SBF2: variants seen among roughly 807,000 people sequenced by gnomAD.
The protein encoded by SBF2 is SET binding factor 2.
Under a neutral mutation model 225.2 loss-of-function variants are expected in SBF2, and 112 were observed. The ratio of observed to expected loss-of-function variants is 0.50; its 90% CI spans 0.43 to 0.58. SBF2 has a LOEUF of 0.58. Ranked by LOEUF, SBF2 falls within the 20% of genes least tolerant of loss-of-function variation. SBF2 has a pLI of 0.00. For synonymous variants in SBF2, 763 were observed against 773.3 expected, an observed-to-expected ratio of 0.99 and a Z score of 0.22; for missense variants, 1,996 against 2,206.2, an observed-to-expected ratio of 0.90 and a Z score of 1.91.
rs886047577 is a variant in SBF2 at position 10,294,170 on chromosome 11, T to G, written c.-101A>C. On this transcript the variant is annotated 5_prime_UTR_variant, in exon 1 of 40. Transcript: ENST00000256190. ...CTCAGCATTTTCCCTGCAGCGGCAG[T>G]AGCGGCAGCGGCAGCGCTTCAGCCA... The G allele has an allele frequency of 1.7e-4, 156 of 892,584 alleles. No homozygotes were observed. The highest frequency in any genetic ancestry group is 1.6e-4 in the Non-Finnish European group (109 of 673,192). The allele number at this position is 892,584 out of a possible 1,614,324, so 55.3% of individuals were successfully genotyped here. A position where few individuals can be genotyped will look rare whatever the true frequency, so the allele number is the denominator to read the frequency against.
intron 17 of SBF2, among the ~76,000 whole-genome samples, chr11:9,873,043 A>G (rs1200127849): frequency 1.3e-5 from 2 of 151,912 alleles, no homozygotes; most frequent in African/African-American, 4.8e-5. Context: ...TGTCTCTACC[A>G]AAAATACAAA....
At position 9,787,741 on chromosome 11, in the gene SBF2, G is replaced by C; in HGVS notation, c.4933-3C>G. 6.2e-7 allele frequency: 1 copy of C among 1,612,822 alleles called. No homozygotes were observed. The highest frequency in any genetic ancestry group is 8.5e-7 in the Non-Finnish European group (1 of 1,178,858). ...TTGTGCTCCAATTTTTCAATTTCCT[G>C]CAAAGAAATTAAAAGTTTTCTGATC... On this transcript the variant is annotated splice_region_variant and splice_polypyrimidine_tract_variant and intron_variant, in intron 35 of 39. Coordinates refer to ENST00000256190, the MANE Select transcript of SBF2 (RefSeq NM_030962.4).
intron 1 of SBF2, among the ~76,000 whole-genome samples, chr11:10,223,573 CTCTG>C (rs1401338800): frequency 2.6e-5 from 4 of 151,276 alleles, no homozygotes; most frequent in Non-Finnish European, 4.4e-5. Context: ...ATAAATGAAT[CTCTG>C]TCTGAAATGG....
At chr11:10,280,470 T>C (rs1274107971) in intron 1 of SBF2, among the ~76,000 whole-genome samples, 2 of 152,194 alleles carry the variant, frequency 1.3e-5, no homozygotes, top group African/African-American at 4.8e-5. Flanking sequence ...TGGATCTTAC[T>C]AAGTCTGCAA....
intron 16 of SBF2, chr11:9,959,394 G>T: frequency 1.2e-6 from 1 of 830,338 alleles, no homozygotes; most frequent in South Asian, 1.3e-5. Flanking sequence ...GTCCCCATGA[G>T]ATTATATATT....
intron 26 of SBF2, among the ~76,000 whole-genome samples, chr11:9,833,421 A>ATTTTT (rs371039800): frequency 7.5e-6 from 1 of 134,072 alleles, no homozygotes; most frequent in Non-Finnish European, 1.6e-5. Flanking sequence ...TTTTTTGGTG[A>ATTTTT]TTTTTTTTTT....
At chr11:9,841,064 C>G (rs1285073449) in intron 25 of SBF2, among the ~76,000 whole-genome samples, 1 of 151,906 alleles carries the variant, frequency 6.6e-6, no homozygotes, top group Non-Finnish European at 1.5e-5. Context: ...TGAAAATGTA[C>G]TCAAAGTACT....
chr11:10,032,851 G>A (rs976861332), intron 3 of SBF2, among the ~76,000 whole-genome samples: 28 of 152,078 alleles, frequency 1.8e-4, no homozygotes, highest in Non-Finnish European at 4.4e-5. Flanking sequence ...CATTTTCTTG[G>A]CATAGTTTTT....
intron 2 of SBF2, among the ~76,000 whole-genome samples, chr11:10,169,715 C>G (rs193019876): frequency 1.6e-3 from 248 of 152,276 alleles, no homozygotes; most frequent in African/African-American, 5.7e-3. Flanking sequence ...ATTGCTAGAT[C>G]ATATGGTAGC....
chr11:10,206,830 A>T (rs1388744781), intron 1 of SBF2, among the ~76,000 whole-genome samples: 1 of 151,052 alleles, frequency 6.6e-6, no homozygotes, highest in Admixed American at 6.6e-5. Context: ...TATAAAGAAC[A>T]TTGGGAACCC....
At chr11:9,786,378 T>C (rs973413085) in intron 36 of SBF2, among the ~76,000 whole-genome samples, 3 of 152,200 alleles carry the variant, frequency 2.0e-5, no homozygotes, top group African/African-American at 4.8e-5. Context: ...AAATGAACAT[T>C]ATTACTTTCA....
intron 2 of SBF2, among the ~76,000 whole-genome samples, chr11:10,089,011 A>T (rs1381485251): frequency 6.6e-6 from 1 of 152,176 alleles, no homozygotes; most frequent in Non-Finnish European, 1.5e-5. Flanking sequence ...GAAAATACTG[A>T]CACATAGAAC....
intron 2 of SBF2, among the ~76,000 whole-genome samples, chr11:10,067,461 A>G (rs1565192341): frequency 6.6e-6 from 1 of 152,228 alleles, no homozygotes; most frequent in Non-Finnish European, 1.5e-5. Flanking sequence ...CTAGAATGCC[A>G]AAACAACTCT....
chr11:10,117,638 A>G (rs777594751), intron 2 of SBF2, among the ~76,000 whole-genome samples: 1 of 152,064 alleles, frequency 6.6e-6, no homozygotes, highest in Non-Finnish European at 1.5e-5. Context: ...ACATAAATAC[A>G]AATTAGGTGT....
intron 1 of SBF2, among the ~76,000 whole-genome samples, chr11:10,257,039 C>T (rs772411992): frequency 3.9e-5 from 6 of 152,234 alleles, no homozygotes; most frequent in East Asian, 3.9e-4. Context: ...TTATTCACCA[C>T]GTCAGGCACT....
At chr11:10,258,664 A>C (rs1961123914) in intron 1 of SBF2, among the ~76,000 whole-genome samples, 1 of 152,240 alleles carries the variant, frequency 6.6e-6, no homozygotes. Context: ...TGTCATGGCC[A>C]CGCTGAGGGC....
At chr11:9,920,180 ATATG>A (rs142835392) in intron 16 of SBF2, among the ~76,000 whole-genome samples, 28 of 122,696 alleles carry the variant, frequency 2.3e-4, no homozygotes, top group African/African-American at 7.4e-4. Context: ...TGCAAATACT[ATATG>A]TGTGTGTGTG....
upstream of SBF2, among the ~76,000 whole-genome samples, chr11:10,295,230 A>G (rs1482036782): frequency 6.6e-6 from 1 of 152,226 alleles, no homozygotes; most frequent in Non-Finnish European, 1.5e-5. Context: ...ATATTTACAC[A>G]TAAGACAAGG....
At chr11:10,055,000 C>T (rs963282750) in intron 2 of SBF2, among the ~76,000 whole-genome samples, 1 of 152,058 alleles carries the variant, frequency 6.6e-6, no homozygotes, top group African/African-American at 2.4e-5. Context: ...ACCTCCACCT[C>T]CCAGGTTCAA....
Sources: gnomAD v4.1 joint callset for allele counts (sites outside exome capture counted in the v4.1 genomes callset) on GRCh38, gnomAD v4.1.1 for gene constraint, MANE v1.5 for transcripts, NCBI Gene and HGNC (gene_info 2026-07-23, HGNC 2026-07-21) for gene names.